GSK3B: variants seen among roughly 807,000 people sequenced by gnomAD.
The protein encoded by GSK3B is glycogen synthase kinase 3 beta, also known as glycogen synthase kinase-3 beta.
A neutral mutation model predicts 56.4 loss-of-function variants in GSK3B; 15 were observed. The observed-to-expected ratio is 0.27, with a 90% CI of 0.18 to 0.41. GSK3B has a LOEUF of 0.41. GSK3B is among the 10% of genes least tolerant of loss of function. The probability of loss-of-function intolerance (pLI) is 1.00; values close to 1 mark genes in which losing one functional copy is unlikely to be tolerated. For missense variants in GSK3B, 300 were observed against 513.4 expected (o/e 0.58, Z 4.02); for synonymous variants, 181 against 188.9 (o/e 0.96, Z 0.34).
At chr3:119,900,703 C>T (rs1356266947) in intron 7 of GSK3B, among the ~76,000 whole-genome samples, 1 of 152,040 alleles carries the variant, frequency 6.6e-6, no homozygotes, top group East Asian at 1.9e-4. Context: ...TATCACTTTA[C>T]CTTAATGCTG....
Position 119,923,378 on chromosome 3 carries a change from C to T in GSK3B, c.472G>A (p.Val158Ile). 6.6e-7 allele frequency: 1 copy of T among 1,519,392 alleles called. No homozygotes were observed. The highest frequency in any genetic ancestry group is 9.1e-7 in the Non-Finnish European group (1 of 1,096,476). 94.1% of individuals were successfully genotyped at this position (1,519,392 alleles called of 1,614,324 possible). Residue 158 changes from valine (V) to isoleucine (I), a missense_variant, in exon 4 of 11, where the codon GTC becomes ATC. Around this residue, in one of 6 missense-constraint regions of GSK3B, gnomAD observed 62 missense variants for 84.0 expected, o/e 0.74. Transcript: ENST00000264235. ...ATTGTTATGTTTTTACATACCTTGA[C>T]ATAAATCACAGGGAGCGTCTGTTTG... ...RAKQTLPVIY[V>I]KLYMYQLFRS...
At chr3:120,003,179 C>T (rs879039767) in intron 1 of GSK3B, among the ~76,000 whole-genome samples, 1 of 152,182 alleles carries the variant, frequency 6.6e-6, no homozygotes, top group African/African-American at 2.4e-5. Flanking sequence ...TCACTGGCTC[C>T]AGGGTCTCTA....
chr3:119,915,881 T>C (rs1184723747), intron 5 of GSK3B, among the ~76,000 whole-genome samples, 163 bp downstream of exon 5: 5 of 152,164 alleles, frequency 3.3e-5, no homozygotes, highest in African/African-American at 1.2e-4. Flanking sequence ...ATTTATAATT[T>C]TGACAGAAAC....
intron 1 of GSK3B, among the ~76,000 whole-genome samples, chr3:120,079,361 T>A (rs1042084182): frequency 3.3e-5 from 5 of 150,588 alleles, no homozygotes; most frequent in Admixed American, 1.3e-4. Flanking sequence ...TTTTTTTTTT[T>A]AATAAGTAGA....
In GSK3B at chr3:119,822,523, A is replaced by C; in HGVS notation, c.*4265T>G. 1 of 227,182 alleles carries C rather than the reference A, an allele frequency of 4.4e-6. No individual in the cohort carries two copies. The highest frequency in any genetic ancestry group is 8.8e-6 in the Non-Finnish European group (1 of 114,270). 14.1% of individuals were successfully genotyped at this position (227,182 alleles called of 1,614,324 possible). Reference sequence around the variant, plus strand: ...GGTTGTCATTTTGCTTTTATTGCAGAGGTGCAAAACGGAGCAACAAACTTG... The same window carrying C: ...GGTTGTCATTTTGCTTTTATTGCAGCGGTGCAAAACGGAGCAACAAACTTG... On this transcript the variant is annotated 3_prime_UTR_variant, in exon 11 of 11. Coordinates refer to ENST00000264235, the MANE Select transcript of GSK3B (RefSeq NM_001146156.2).
At chr3:120,060,813 T>C (rs2058230051) in intron 1 of GSK3B, among the ~76,000 whole-genome samples, 2 of 152,152 alleles carry the variant, frequency 1.3e-5, no homozygotes, top group African/African-American at 4.8e-5. Flanking sequence ...ACAATAAATA[T>C]GAGTTACTAA....
intron 7 of GSK3B, among the ~76,000 whole-genome samples, chr3:119,885,990 G>T (rs2056432004): frequency 6.6e-6 from 1 of 151,926 alleles, no homozygotes; most frequent in Non-Finnish European, 1.5e-5. Context: ...TTGGCCTTGA[G>T]AAATAATCTA....
intron 2 of GSK3B, among the ~76,000 whole-genome samples, chr3:119,984,918 G>A (rs1013751819): frequency 1.3e-5 from 2 of 152,012 alleles, no homozygotes; most frequent in Non-Finnish European, 1.5e-5. Context: ...TATCCCTGAT[G>A]AACATTGATG....
At chr3:119,948,603 T>C (rs964676795) in intron 2 of GSK3B, among the ~76,000 whole-genome samples, 2 of 152,208 alleles carry the variant, frequency 1.3e-5, no homozygotes, top group African/African-American at 2.4e-5. Flanking sequence ...TGTTGACTAG[T>C]ACAGAGAGAG....
intron 10 of GSK3B, among the ~76,000 whole-genome samples, chr3:119,839,887 G>T (rs531562527): frequency 6.6e-6 from 1 of 152,108 alleles, no homozygotes; most frequent in Non-Finnish European, 1.5e-5. Context: ...AGGGTATGTG[G>T]GGGTATATTA....
intron 9 of GSK3B, 73 bp downstream of exon 9, chr3:119,863,346 T>TAATA: frequency 8.3e-7 from 1 of 1,199,856 alleles, no homozygotes; most frequent in Non-Finnish European, 1.2e-6. Flanking sequence ...AGATTTTAAT[T>TAATA]AATAGAATGT....
At chr3:120,087,862 A>G (rs560942659) in intron 1 of GSK3B, among the ~76,000 whole-genome samples, 1 of 152,270 alleles carries the variant, frequency 6.6e-6, no homozygotes, top group Non-Finnish European at 1.5e-5. Context: ...GGGGATTATA[A>G]ACTAAGAACC....
intron 2 of GSK3B, among the ~76,000 whole-genome samples, chr3:119,974,837 T>G (rs2057396759): frequency 6.6e-6 from 1 of 152,092 alleles, no homozygotes; most frequent in African/African-American, 2.4e-5. Context: ...CAAAGGACGG[T>G]GAGGATGTGG....
chr3:119,822,923 T>C lies in GSK3B; in HGVS notation c.*3865A>G, dbSNP rs946839872. 1.3e-5 allele frequency: 3 copies of C among 229,308 alleles called. No homozygotes were observed. The highest frequency in any genetic ancestry group is 6.6e-5 in the African/African-American group (3 of 45,146). The allele number at this position is 229,308 out of a possible 1,614,324, so 14.2% of individuals were successfully genotyped here. On this transcript the variant is annotated 3_prime_UTR_variant, in exon 11 of 11. Transcript: ENST00000264235. ...GGGAAAAATAGATGAAATGCCAGTG[T>C]CTTCATATCCACAGGGATAGAGAAT... is the stretch of plus-strand genomic sequence containing the variant.
At chr3:119,865,095 AATC>A (rs2056159461) in intron 8 of GSK3B, among the ~76,000 whole-genome samples, 1 of 152,108 alleles carries the variant, frequency 6.6e-6, no homozygotes, top group African/African-American at 2.4e-5. Context: ...CAAGGTCCAT[AATC>A]ATATACAGAA....
At chr3:119,951,343 G>A (rs367849220) in intron 2 of GSK3B, among the ~76,000 whole-genome samples, 13 of 152,330 alleles carry the variant, frequency 8.5e-5, no homozygotes, top group East Asian at 7.7e-4. Context: ...AGGTTCAGGC[G>A]GGCAGATCAC....
intron 1 of GSK3B, among the ~76,000 whole-genome samples, chr3:120,058,403 G>A (rs1488937788): frequency 6.6e-6 from 1 of 151,932 alleles, no homozygotes; most frequent in African/African-American, 2.4e-5. Flanking sequence ...TCTCAATTTG[G>A]ACTAGCCAAC....
chr3:119,850,293 A>C (rs1488233597), intron 9 of GSK3B, among the ~76,000 whole-genome samples: 1 of 152,214 alleles, frequency 6.6e-6, no homozygotes, highest in African/African-American at 2.4e-5. Flanking sequence ...CTAAAAGTTA[A>C]GAATTCTAAA....
At chr3:120,088,697 T>C (rs2058486091) in intron 1 of GSK3B, among the ~76,000 whole-genome samples, 2 of 152,374 alleles carry the variant, frequency 1.3e-5, no homozygotes, top group South Asian at 4.1e-4. Context: ...AATTTACTTA[T>C]GGTGATTATG....
Sources: allele counts gnomAD v4.1 joint callset (sites outside exome capture counted in the v4.1 genomes callset), GRCh38; gene constraint gnomAD v4.1.1; regional missense constraint gnomAD v4.1.1; transcripts MANE v1.5; gene names NCBI Gene and HGNC (gene_info 2026-07-23, HGNC 2026-07-21).